ADAP1: variants seen among roughly 807,000 people sequenced by gnomAD.
The protein encoded by ADAP1 is ArfGAP with dual PH domains 1, also known as arf-GAP with dual PH domain-containing protein 1.
ADAP1 carries 31 observed loss-of-function variants against 54.9 expected under a neutral mutation model. The observed-to-expected ratio is 0.56, with a 90% CI of 0.42 to 0.76. The LOEUF (loss-of-function observed/expected upper bound fraction) is 0.76. Among genes scored for constraint, ADAP1 ranks in the 30% least tolerant of loss-of-function variants. The pLI is 0.00. For missense variants in ADAP1, 535 were observed against 512.4 expected (o/e 1.04, Z -0.42); for synonymous variants, 313 against 202.6 (o/e 1.55, Z -4.63).
At position 898,694 on chromosome 7, in the gene ADAP1, C is replaced by T; in HGVS notation, c.*227G>A. On this transcript the variant is annotated 3_prime_UTR_variant, in exon 11 of 11. Coordinates refer to ENST00000265846, the MANE Select transcript of ADAP1 (RefSeq NM_006869.4). ...GGGCAGGTTGGCTGGGTGTGGTCAG[C>T]AGCAGCATGACGGGGTTAGAGATCA... The T allele has an allele frequency of 3.3e-6, 2 of 607,374 alleles. No individual in the cohort carries two copies. Among genetic ancestry groups the T allele is most frequent in the East Asian group, 2.8e-5 (1 of 35,208 alleles). 37.6% of individuals were successfully genotyped at this position (607,374 alleles called of 1,614,324 possible).
At chr7:906,755 TG>T (rs1845452838) in intron 4 of ADAP1, among the ~76,000 whole-genome samples, 8 of 22,266 alleles carry the variant, frequency 3.6e-4, no homozygotes, top group African/African-American at 1.6e-3. Context: ...ATAGGGGACA[TG>T]GACAGGGGAC....
At chr7:912,244 C>T (rs1017572555) in intron 4 of ADAP1, among the ~76,000 whole-genome samples, 3 of 152,168 alleles carry the variant, frequency 2.0e-5, no homozygotes, top group Admixed American at 6.5e-5. Context: ...GGAAGCCCCG[C>T]GTCTCAGCGA....
chr7:935,365 C>T lies in ADAP1; in HGVS notation c.213+10G>A, dbSNP rs1404250025. The T allele has an allele frequency of 2.6e-6, 4 of 1,554,430 alleles. No individual in the cohort carries two copies. Among genetic ancestry groups the T allele is most frequent in the Non-Finnish European group, 3.5e-6 (4 of 1,149,238 alleles). On this transcript the variant is annotated intron_variant, in intron 2 of 10. Coordinates refer to ENST00000265846, the MANE Select transcript of ADAP1 (RefSeq NM_006869.4). ...ACTGCGCGGGTCCCCCCGCCCCTCC[C>T]CCTCCGTACCTCCACTTGGGCCTCC...
intron 1 of ADAP1, among the ~76,000 whole-genome samples, chr7:943,918 T>TATC (rs1562936989): frequency 6.9e-6 from 1 of 145,138 alleles, no homozygotes; most frequent in African/African-American, 2.5e-5. Context: ...GAATTATTAC[T>TATC]ATTATTATTA....
chr7:910,289 A>T (rs931981659), intron 4 of ADAP1, among the ~76,000 whole-genome samples: 1 of 147,122 alleles, frequency 6.8e-6, no homozygotes, highest in Non-Finnish European at 1.5e-5. Flanking sequence ...TTTTTTCCCC[A>T]CCCAGGCTGG....
chr7:905,328 G>C, intron 4 of ADAP1, 156 bp from the exon 5 acceptor site: 2 of 526,878 alleles, frequency 3.8e-6, no homozygotes, highest in Non-Finnish European at 7.0e-6. Context: ...GAGGGGACAT[G>C]GAGGAGACAG....
In ADAP1 at chr7:920,108, G is replaced by A. The variant is rs949070373; in HGVS notation, c.306-58C>T. 178 of 1,513,174 alleles carry A rather than the reference G, an allele frequency of 1.2e-4. No homozygotes were observed. The highest frequency in any genetic ancestry group is 1.5e-4 in the Non-Finnish European group (161 of 1,108,474). The allele number at this position is 1,513,174 out of a possible 1,614,324, so 93.7% of individuals were successfully genotyped here. ...CAAGGCGGCCTCCGACCCAGCACAC[G>A]CCGCTCTCTGGCCCGGACCCTGGAC... On this transcript the variant is annotated intron_variant, in intron 3 of 10. Transcript: ENST00000265846. This position sits in a 1 kb window ranked among gnomAD's most constrained non-coding sequence, Gnocchi z 4.5.
intron 6 of ADAP1, 79 bp from the exon 7 acceptor site, chr7:900,695 C>A: frequency 1.6e-6 from 2 of 1,245,628 alleles, no homozygotes; most frequent in Non-Finnish European, 2.3e-6. Flanking sequence ...GGGGTCCCCA[C>A]AGAGGGGCCG....
chr7:942,152 C>A (rs556685171), intron 1 of ADAP1, among the ~76,000 whole-genome samples: 70 of 152,330 alleles, frequency 4.6e-4, no homozygotes, highest in Middle Eastern at 3.4e-3. Flanking sequence ...CCAAATGCAT[C>A]ATGGTGCTAA....
chr7:902,474 A>AAATGCCTGGGCGTGGTGGTGCGCGCCTAT (rs1562907702), intron 6 of ADAP1, among the ~76,000 whole-genome samples: 5 of 149,328 alleles, frequency 3.3e-5, no homozygotes, highest in Admixed American at 1.3e-4. Flanking sequence ...AAAAAAAAGA[A>AAATGCCTGGGCGTGGTGGTGCGCGCCTAT]AGAAAAGAAA....
chr7:923,024 C>G (rs1665073173), intron 3 of ADAP1: 1 of 152,018 alleles, frequency 6.6e-6, no homozygotes, highest in African/African-American at 2.4e-5. Flanking sequence ...AGGGTGGCCC[C>G]CAATCCAACG....
At chr7:919,455 G>C (rs1846071907) in intron 4 of ADAP1, among the ~76,000 whole-genome samples, 1 of 151,930 alleles carries the variant, frequency 6.6e-6, no homozygotes. Flanking sequence ...GGGCAAAACA[G>C]GTCCGGGGAC....
At chr7:951,241 CGGGTG>C (rs1562939683) in intron 1 of ADAP1, among the ~76,000 whole-genome samples, 1 of 151,848 alleles carries the variant, frequency 6.6e-6, no homozygotes, top group Non-Finnish European at 1.5e-5. Flanking sequence ...GGCGTGGTGG[CGGGTG>C]CCTGTAGTCC....
intron 2 of ADAP1, among the ~76,000 whole-genome samples, chr7:930,152 A>G (rs781761341): frequency 1.2e-4 from 18 of 146,752 alleles, no homozygotes; most frequent in Non-Finnish European, 2.2e-4. Flanking sequence ...AGGCCTATTT[A>G]TGTATGCTAT....
chr7:906,393 A>AG (rs1463072630), intron 4 of ADAP1, among the ~76,000 whole-genome samples: 1 of 76,726 alleles, frequency 1.3e-5, no homozygotes, highest in Non-Finnish European at 3.2e-5. Context: ...GAAAGGAGAA[A>AG]GGAGAAAGGG....
intron 3 of ADAP1, among the ~76,000 whole-genome samples, chr7:925,610 G>A (rs1846355740): frequency 6.6e-6 from 1 of 152,226 alleles, no homozygotes; most frequent in African/African-American, 2.4e-5. Flanking sequence ...AGACCCCCTG[G>A]TCACTGCAGT....
At chr7:924,842 T>G (rs1370214945) in intron 3 of ADAP1, among the ~76,000 whole-genome samples, 3 of 151,592 alleles carry the variant, frequency 2.0e-5, no homozygotes, top group African/African-American at 7.3e-5. Context: ...GGCGGGGTGA[T>G]AAAATAATGT....
chr7:948,986 T>TGC (rs1847205848), intron 1 of ADAP1, among the ~76,000 whole-genome samples: 1 of 152,172 alleles, frequency 6.6e-6, no homozygotes, highest in Non-Finnish European at 1.5e-5. Flanking sequence ...TGAGCCACCA[T>TGC]GCCCGGCCCT....
rs2128114248 is a variant in ADAP1, at chr7:954,654, T to G, written c.-177A>C. On this transcript the variant is annotated 5_prime_UTR_variant, in exon 1 of 11. Coordinates refer to ENST00000265846, the MANE Select transcript of ADAP1 (RefSeq NM_006869.4). ...CTCTGGGCTCCGCCGCCGCCGCTCG[T>G]GTCTCCGCCGCGGTCGCTGAGCGAG... 2.0e-5 allele frequency: 20 copies of G among 982,164 alleles called. No homozygotes were observed. In the South Asian group the frequency reaches 8.3e-4, roughly 41 times the overall value. 60.8% of individuals were successfully genotyped at this position (982,164 alleles called of 1,614,324 possible).
Sources: gnomAD v4.1 joint callset for allele counts (sites outside exome capture counted in the v4.1 genomes callset) on GRCh38, gnomAD v4.1.1 for gene constraint, Gnocchi (gnomAD v3.1) non-coding constraint, MANE v1.5 for transcripts, NCBI Gene and HGNC (gene_info 2026-07-23, HGNC 2026-07-21) for gene names.